Variants in PRKAR1A observed in about 807,000 individuals in gnomAD.
The protein encoded by PRKAR1A is cAMP-dependent protein kinase type I-alpha regulatory subunit.
In PRKAR1A, 3 loss-of-function variants were observed where a neutral mutation model predicts 52.0. The observed-to-expected ratio is 0.06, with a 90% confidence interval of 0.03 to 0.15. The LOEUF (loss-of-function observed/expected upper bound fraction) is 0.15. Among genes scored for constraint, PRKAR1A ranks in the 10% least tolerant of loss-of-function variants. The pLI is 1.00. For synonymous variants in PRKAR1A, 188 were observed against 168.4 expected (o/e 1.12, Z -0.90); for missense variants, 240 against 477.4 (o/e 0.50, Z 4.63).
the PRKAR1A span, among the ~76,000 whole-genome samples, chr17:68,446,498 T>C: frequency 6.6e-6 from 1 of 152,174 alleles, no homozygotes; most frequent in Admixed American, 6.5e-5. Flanking sequence ...CAGTTTTACC[T>C]AAGGCTCTGT....
chr17:68,488,813 G>C, the PRKAR1A span, among the ~76,000 whole-genome samples: 1 of 151,328 alleles, frequency 6.6e-6, no homozygotes. Flanking sequence ...TCTATAAAGA[G>C]GTCACCTTTT....
chr17:68,537,698 C>G (rs1417637958), downstream of PRKAR1A: 2 of 1,613,606 alleles, frequency 1.2e-6, no homozygotes, highest in Admixed American at 3.3e-5. The surrounding 1 kb of genome is among the most constrained non-coding windows in gnomAD (Gnocchi z 4.2). Context: ...CTGTAGTCAG[C>G]TTGGGCCAGC....
chr17:68,489,758 G>A, the PRKAR1A span, among the ~76,000 whole-genome samples: 813 of 151,488 alleles, frequency 5.4e-3, 15 homozygotes, highest in African/African-American at 0.019. Flanking sequence ...GTTTCGCCAC[G>A]TTGGCCAGCC....
chr17:68,490,247 G>C, the PRKAR1A span, among the ~76,000 whole-genome samples: 28 of 152,242 alleles, frequency 1.8e-4, no homozygotes, highest in African/African-American at 6.8e-4. Context: ...GGCTGAGCTT[G>C]TGGCAGAGGG....
At chr17:68,490,020 G>C in the PRKAR1A span, among the ~76,000 whole-genome samples, 1 of 152,220 alleles carries the variant, frequency 6.6e-6, no homozygotes, top group Non-Finnish European at 1.5e-5. Context: ...ATTTGGAGGA[G>C]AGTTGTTTAG....
chr17:68,457,521 GCCCC>G, the PRKAR1A span: 1 of 599,000 alleles, frequency 1.7e-6, no homozygotes. Flanking sequence ...GTCCTGCCCC[GCCCC>G]TACCCCGCCC....
chr17:68,418,026 G>A, the PRKAR1A span, among the ~76,000 whole-genome samples: 11 of 151,988 alleles, frequency 7.2e-5, no homozygotes, highest in East Asian at 5.8e-4. Flanking sequence ...CACCACACCC[G>A]GCTGAGTTGT....
chr17:68,492,667 C>T, the PRKAR1A span, among the ~76,000 whole-genome samples: 10 of 152,122 alleles, frequency 6.6e-5, no homozygotes, highest in South Asian at 8.3e-4. Context: ...ATGCTACTGG[C>T]GGTGAATCTG....
intron 9 of PRKAR1A, 38 bp from the exon 10 acceptor site, chr17:68,529,882 G>C (rs769518139): frequency 6.5e-7 from 1 of 1,539,526 alleles, no homozygotes; most frequent in Admixed American, 1.8e-5. Context: ...GGGTTTGAGA[G>C]TGTGTGTTTG....
the PRKAR1A span, chr17:68,429,003 C>T: frequency 1.7e-6 from 2 of 1,202,678 alleles, no homozygotes; most frequent in Non-Finnish European, 2.4e-6. Flanking sequence ...CTTCCAATGA[C>T]AAAGCCCCCC....
chr17:68,525,292 TA>T (rs397857487), intron 6 of PRKAR1A, among the ~76,000 whole-genome samples: 28,782 of 121,974 alleles, frequency 0.24, 2,768 homozygotes, highest in South Asian at 0.29. Context: ...CCTCATCTCT[TA>T]AAAAAAAAAA....
upstream of PRKAR1A, among the ~76,000 whole-genome samples, chr17:68,509,909 C>A (rs1000147185): frequency 6.6e-6 from 1 of 152,142 alleles, no homozygotes; most frequent in African/African-American, 2.4e-5. Context: ...AATGGGGACA[C>A]ACAGCCAGGA....
the PRKAR1A span, among the ~76,000 whole-genome samples, chr17:68,475,218 T>C: frequency 2.0e-5 from 3 of 152,226 alleles, no homozygotes; most frequent in East Asian, 1.9e-4. Context: ...CAAAAACTTC[T>C]AGCGAATATT....
the PRKAR1A span, among the ~76,000 whole-genome samples, chr17:68,436,948 C>T: frequency 2.7e-5 from 4 of 150,942 alleles, no homozygotes; most frequent in South Asian, 2.1e-4. Flanking sequence ...GAGTGGAGAT[C>T]GTGCCACTGC....
intron 11 of PRKAR1A, chr17:68,543,566 A>C (rs755505481): frequency 7.6e-6 from 11 of 1,448,988 alleles, no homozygotes; most frequent in Admixed American, 1.7e-5. Flanking sequence ...GGGTCTGTCT[A>C]GCCACCCCTC....
chr17:68,428,652 T>A, the PRKAR1A span: 1 of 574,040 alleles, frequency 1.7e-6, no homozygotes, highest in Admixed American at 3.0e-5. Flanking sequence ...TACCACATGC[T>A]GAGGGCACCT....
the PRKAR1A span, chr17:68,433,523 C>A: frequency 6.2e-7 from 1 of 1,613,678 alleles, no homozygotes; most frequent in Non-Finnish European, 8.5e-7. Flanking sequence ...TTACTGGAGG[C>A]GCAGAGGAAT....
At chr17:68,469,232 T>C in the PRKAR1A span, among the ~76,000 whole-genome samples, 1 of 152,142 alleles carries the variant, frequency 6.6e-6, no homozygotes, top group Non-Finnish European at 1.5e-5. Context: ...CTTTTTTTTT[T>C]CTCTCCTGTT....
chr17:68,476,827 T>C, the PRKAR1A span, among the ~76,000 whole-genome samples: 2 of 152,090 alleles, frequency 1.3e-5, no homozygotes, highest in Non-Finnish European at 2.9e-5. Context: ...CATGCCCAGC[T>C]AATTTTTGTA....
Sources: gnomAD v4.1 joint callset for allele counts (sites outside exome capture counted in the v4.1 genomes callset) on GRCh38, gnomAD v4.1.1 for gene constraint, Gnocchi (gnomAD v3.1) non-coding constraint, MANE v1.5 for transcripts, NCBI Gene and HGNC (gene_info 2026-07-23, HGNC 2026-07-21) for gene names.